Variants in CHN2 observed in about 807,000 individuals in gnomAD.
The protein encoded by CHN2 is chimerin 2.
CHN2 carries 35 observed loss-of-function variants against 56.3 expected under a neutral mutation model. The observed-to-expected ratio is 0.62, with a 90% CI of 0.47 to 0.82. The LOEUF (loss-of-function observed/expected upper bound fraction) is 0.82. Ranked by LOEUF, CHN2 falls within the 40% of genes least tolerant of loss-of-function variation. The pLI, the probability that CHN2 is intolerant of heterozygous loss-of-function variation, is 0.00. For synonymous variants in CHN2, 210 were observed against 212.8 expected (o/e 0.99, Z 0.12); for missense variants, 491 against 580.5 (o/e 0.85, Z 1.58).
chr7:29,337,333 G>A (rs1796705477), intron 1 of CHN2, among the ~76,000 whole-genome samples: 1 of 152,152 alleles, frequency 6.6e-6, no homozygotes, highest in Admixed American at 6.5e-5. Flanking sequence ...TTCAGACTCT[G>A]GTAGTGGAAG....
intron 7 of CHN2, among the ~76,000 whole-genome samples, chr7:29,485,721 C>T (rs1787893634): frequency 6.6e-6 from 1 of 152,114 alleles, no homozygotes; most frequent in Non-Finnish European, 1.5e-5. Flanking sequence ...AGAAAGGAGT[C>T]CATCACATTT....
chr7:29,154,329 A>G (rs1160774731), intron 2 of CHN2, among the ~76,000 whole-genome samples: 1 of 152,194 alleles, frequency 6.6e-6, no homozygotes, highest in Non-Finnish European at 1.5e-5. Context: ...TATGCAGTGA[A>G]TCAGCCTCTA....
At chr7:29,157,437 T>G (rs1162611614) in intron 2 of CHN2, among the ~76,000 whole-genome samples, 1 of 117,916 alleles carries the variant, frequency 8.5e-6, no homozygotes, top group Admixed American at 9.6e-5. Context: ...TGGCGTTATC[T>G]CAGTCACTAA....
intron 6 of CHN2, among the ~76,000 whole-genome samples, chr7:29,425,411 T>C (rs2128108860): frequency 6.6e-6 from 1 of 152,312 alleles, no homozygotes; most frequent in African/African-American, 2.4e-5. Context: ...GATTGAGATG[T>C]AGATCTTGGT....
Position 29,352,251 on chromosome 7 carries a change from G to T in CHN2, c.50-2374G>T, listed in dbSNP as rs537417586. 1.6e-3 allele frequency among the ~76,000 whole-genome samples: 248 copies of T among 152,250 alleles called. 1 individual carries two copies. The highest frequency in any genetic ancestry group is 5.8e-3 in the African/African-American group (243 of 41,562). ...TGCTTGACCACTTCTTGGTCTGGAG[G>T]TTGTGCTTGCGTCATAGAGTAAACC... On this transcript the variant is annotated intron_variant, in intron 1 of 12. Coordinates refer to ENST00000222792, the MANE Select transcript of CHN2 (RefSeq NM_004067.4).
At chr7:29,240,831 G>GTCGTCT (rs1554374071) in intron 1 of CHN2, among the ~76,000 whole-genome samples, 2 of 151,108 alleles carry the variant, frequency 1.3e-5, no homozygotes, top group African/African-American at 4.9e-5. Flanking sequence ...CGTCGTCGTC[G>GTCGTCT]TCGTCTTCGT....
intron 1 of CHN2, among the ~76,000 whole-genome samples, chr7:29,256,619 G>A (rs1789100368): frequency 6.6e-6 from 1 of 152,166 alleles, no homozygotes; most frequent in African/African-American, 2.4e-5. Context: ...AGAAGCTGGT[G>A]CTCATGGATC....
chr7:29,286,182 C>G (rs1311407730), intron 1 of CHN2, among the ~76,000 whole-genome samples: 2 of 151,102 alleles, frequency 1.3e-5, no homozygotes, highest in African/African-American at 4.9e-5. Context: ...ACCATTCCCC[C>G]CCGCCCCCCA....
intron 2 of CHN2, chr7:29,181,252 G>A (rs1423780941): frequency 6.6e-6 from 1 of 152,100 alleles, no homozygotes; most frequent in Non-Finnish European, 1.5e-5. Flanking sequence ...TTTGACCAAG[G>A]CTTCAGCTAT....
chr7:29,417,435 AC>A (rs1167405171), intron 6 of CHN2, among the ~76,000 whole-genome samples: 3 of 148,184 alleles, frequency 2.0e-5, no homozygotes, highest in African/African-American at 7.5e-5. Flanking sequence ...TCCTGGGTTC[AC>A]GCCATTCTCC....
rs537576305 is a variant in CHN2, at chr7:29,315,909, G to A, written c.50-38716G>A. Among the ~76,000 whole-genome samples the A allele has an allele frequency of 2.6e-5, 4 of 152,256 alleles. No homozygotes were observed. The South Asian group carries it at 8.3e-4, about 32-fold the overall frequency. On this transcript the variant is annotated intron_variant, in intron 1 of 12. Transcript: ENST00000222792. Reference sequence around the variant, plus strand: ...TGAAATTTTAGCAAGGGTGGACCATGCATAAATTAGGAAATTTCTAAGAAT... The same window carrying A: ...TGAAATTTTAGCAAGGGTGGACCATACATAAATTAGGAAATTTCTAAGAAT...
At chr7:29,196,351 T>C (rs751100222) in intron 1 of CHN2, among the ~76,000 whole-genome samples, 22 of 152,222 alleles carry the variant, frequency 1.4e-4, no homozygotes, top group Non-Finnish European at 1.9e-4. Context: ...AGGTGTGTGA[T>C]ATAGTTCAAG....
chr7:29,422,667 T>C (rs1237012662), intron 6 of CHN2, among the ~76,000 whole-genome samples: 1 of 152,214 alleles, frequency 6.6e-6, no homozygotes, highest in Non-Finnish European at 1.5e-5. Context: ...TTTGGAATCA[T>C]GTGGTATTTC....
intron 1 of CHN2, among the ~76,000 whole-genome samples, chr7:29,328,312 G>C (rs1042082755): frequency 6.6e-6 from 1 of 152,158 alleles, no homozygotes; most frequent in Non-Finnish European, 1.5e-5. Context: ...AAGAGTACAG[G>C]CTAGTTCATT....
chr7:29,513,844 C>G lies in CHN2; in HGVS notation c.*1109C>G, dbSNP rs901854007. On this transcript the variant is annotated 3_prime_UTR_variant, in exon 13 of 13. Coordinates refer to ENST00000222792, the MANE Select transcript of CHN2 (RefSeq NM_004067.4). ...CTGTGTGGATAATATGATTTTATTA[C>G]TACAGTTCCAGTCACTTGGTTATAT... The G allele has an allele frequency of 1.3e-5, 2 of 152,624 alleles. No homozygotes were observed. The highest frequency in any genetic ancestry group is 4.8e-5 in the African/African-American group (2 of 41,450). 9.5% of individuals were successfully genotyped at this position (152,624 alleles called of 1,614,324 possible).
intron 1 of CHN2, among the ~76,000 whole-genome samples, chr7:29,333,671 T>C (rs1442602538): frequency 6.6e-6 from 1 of 152,192 alleles, no homozygotes; most frequent in Non-Finnish European, 1.5e-5. Context: ...ATATTGAACA[T>C]GGTCTATTCC....
chr7:29,443,239 C>CTTTTGTT (rs1783798286), intron 6 of CHN2, among the ~76,000 whole-genome samples: 1 of 152,032 alleles, frequency 6.6e-6, no homozygotes, highest in African/African-American at 2.4e-5. Context: ...TGTGCCCGGC[C>CTTTTGTT]CAATTTCATT....
intron 1 of CHN2, among the ~76,000 whole-genome samples, chr7:29,285,104 A>G (rs1792046656): frequency 6.6e-6 from 1 of 152,158 alleles, no homozygotes; most frequent in Admixed American, 6.6e-5. Context: ...TCCTTGAGGA[A>G]TCTCTGGGGA....
chr7:29,487,502 A>G (rs1303810804), intron 7 of CHN2, among the ~76,000 whole-genome samples: 1 of 152,196 alleles, frequency 6.6e-6, no homozygotes, highest in East Asian at 1.9e-4. Context: ...TTCAAGTAAT[A>G]TAACCCCTGG....
Sources: gnomAD v4.1 joint callset for allele counts (sites outside exome capture counted in the v4.1 genomes callset) on GRCh38, gnomAD v4.1.1 for gene constraint, MANE v1.5 for transcripts, NCBI Gene and HGNC (gene_info 2026-07-23, HGNC 2026-07-21) for gene names.